LRRIQ3: variants seen among roughly 807,000 people sequenced by gnomAD.
The protein encoded by LRRIQ3 is leucine-rich repeat and IQ domain-containing protein 3.
LRRIQ3 carries 75 observed loss-of-function variants against 59.3 expected under a neutral mutation model. The observed-to-expected ratio is 1.26, with a 90% CI of 1.05 to 1.53. LRRIQ3 has a LOEUF of 1.53. Among genes scored for constraint, LRRIQ3 ranks in the 40% most tolerant of loss-of-function variants. The probability of loss-of-function intolerance (pLI) is 0.00; values close to 1 mark genes in which losing one functional copy is unlikely to be tolerated. For missense variants in LRRIQ3, 831 were observed against 710.0 expected (o/e 1.17, Z -1.94); for synonymous variants, 250 against 231.3 (o/e 1.08, Z -0.73).
intron 4 of LRRIQ3, chr1:74,144,549 TA>T (rs5775227): frequency 0.034 from 4,785 of 139,566 alleles, 2 homozygotes; most frequent in South Asian, 0.074. Context: ...TAACAGTCTG[TA>T]AAAAAAAAAA....
Position 74,198,126 on chromosome 1 carries a change from T to C in LRRIQ3, c.-131A>G, listed in dbSNP as rs1050926512. On this transcript the variant is annotated 5_prime_UTR_variant, in exon 1 of 8. Transcript: ENST00000354431. ...GAGAAACAAGACAACATCCAAGTTC[T>C]CCACATCATGGTTTTCCGGGCGCCA... 43 of 1,435,000 alleles carry C rather than the reference T, an allele frequency of 3.0e-5. No individual in the cohort carries two copies. The highest frequency in any genetic ancestry group is 3.4e-5 in the Non-Finnish European group (37 of 1,086,892). 88.9% of individuals were successfully genotyped at this position (1,435,000 alleles called of 1,614,324 possible). A position where few individuals can be genotyped will look rare whatever the true frequency, so the allele number is the denominator to read the frequency against.
intron 5 of LRRIQ3, among the ~76,000 whole-genome samples, chr1:74,075,668 C>T (rs1646198792): frequency 6.6e-6 from 1 of 152,010 alleles, no homozygotes; most frequent in African/African-American, 2.4e-5. Context: ...CAAATGTAAA[C>T]TGTATAATAT....
chr1:74,103,765 C>A (rs992350904), intron 5 of LRRIQ3, among the ~76,000 whole-genome samples: 10 of 151,376 alleles, frequency 6.6e-5, no homozygotes, highest in African/African-American at 2.4e-4. Flanking sequence ...TATTATGGAA[C>A]TAATTATTCT....
intron 5 of LRRIQ3, among the ~76,000 whole-genome samples, chr1:74,100,396 C>T (rs1340771898): frequency 1.3e-5 from 2 of 151,812 alleles, no homozygotes; most frequent in Non-Finnish European, 2.9e-5. Context: ...CACTGCTCAA[C>T]AAAATAAAAG....
intron 4 of LRRIQ3, among the ~76,000 whole-genome samples, chr1:74,130,143 T>G (rs1646991449): frequency 6.6e-6 from 1 of 152,062 alleles, no homozygotes; most frequent in African/African-American, 2.4e-5. Flanking sequence ...CTCCACTGAC[T>G]CTGAGCCAGC....
chr1:74,105,522 A>C (rs942542576), intron 5 of LRRIQ3, among the ~76,000 whole-genome samples: 1 of 151,890 alleles, frequency 6.6e-6, no homozygotes, highest in African/African-American at 2.4e-5. Context: ...CTAAGTGCTG[A>C]GATTACAGAC....
At chr1:74,120,338 G>A (rs1270503230) in intron 4 of LRRIQ3, among the ~76,000 whole-genome samples, 1 of 151,916 alleles carries the variant, frequency 6.6e-6, no homozygotes, top group Non-Finnish European at 1.5e-5. Context: ...GGATGGTCTT[G>A]ATCTCTTGAC....
intron 6 of LRRIQ3, among the ~76,000 whole-genome samples, chr1:74,072,412 C>A (rs1368007627): frequency 6.6e-6 from 1 of 151,944 alleles, no homozygotes; most frequent in East Asian, 1.9e-4. Context: ...TTGTTCTTAT[C>A]AACTAATTTA....
intron 4 of LRRIQ3, among the ~76,000 whole-genome samples, chr1:74,151,452 C>CT (rs1396349143): frequency 6.6e-6 from 1 of 151,986 alleles, no homozygotes; most frequent in African/African-American, 2.4e-5. Context: ...CTCGGGAAAT[C>CT]TAAAATGTGA....
At position 74,047,390 on chromosome 1, in the gene LRRIQ3, A is replaced by G. The variant is rs930669047; in HGVS notation, c.998-5457T>C. ...TCTCACTCATAAGTGGGAGTTGAAC[A>G]ATGAGAACACATGGGCACAGGGAGA... On this transcript the variant is annotated intron_variant, in intron 6 of 7. Transcript: ENST00000354431. Among the ~76,000 whole-genome samples, 3 of 152,148 alleles carry G rather than the reference A, an allele frequency of 2.0e-5. No individual in the cohort carries two copies. The South Asian group carries it at 6.2e-4, about 32-fold the overall frequency.
intron 4 of LRRIQ3, among the ~76,000 whole-genome samples, chr1:74,133,060 C>G (rs1036939433): frequency 2.0e-5 from 3 of 151,970 alleles, no homozygotes; most frequent in African/African-American, 7.3e-5. Context: ...CAAATATGAA[C>G]AGACACTTCT....
At chr1:74,170,427 TTC>T (rs1240998394) in intron 3 of LRRIQ3, among the ~76,000 whole-genome samples, 1 of 152,182 alleles carries the variant, frequency 6.6e-6, no homozygotes, top group Non-Finnish European at 1.5e-5. Context: ...AGAATATCTT[TTC>T]TCTGCTGTGT....
chr1:74,161,594 C>T (rs542651068), intron 3 of LRRIQ3, among the ~76,000 whole-genome samples: 1 of 151,830 alleles, frequency 6.6e-6, no homozygotes, highest in Non-Finnish European at 1.5e-5. Flanking sequence ...AGAAAGAATA[C>T]AGGAGGGAAT....
At chr1:74,152,994 A>T (rs373902635) in intron 4 of LRRIQ3, among the ~76,000 whole-genome samples, 1 of 152,218 alleles carries the variant, frequency 6.6e-6, no homozygotes, top group Non-Finnish European at 1.5e-5. Flanking sequence ...AGAAAGACTC[A>T]AAAGCTCTGT....
At chr1:74,066,844 C>T (rs895659817) in intron 6 of LRRIQ3, among the ~76,000 whole-genome samples, 3 of 152,006 alleles carry the variant, frequency 2.0e-5, no homozygotes, top group Non-Finnish European at 2.9e-5. Flanking sequence ...GGGCATTCTT[C>T]GTATGTAGTA....
intron 6 of LRRIQ3, among the ~76,000 whole-genome samples, chr1:74,059,460 T>C (rs934154126): frequency 1.3e-5 from 2 of 152,048 alleles, no homozygotes; most frequent in African/African-American, 4.8e-5. Flanking sequence ...TGAATGTAGA[T>C]ATATAGTTGT....
chr1:74,175,534 T>C (rs562605191), intron 3 of LRRIQ3, among the ~76,000 whole-genome samples: 1 of 152,284 alleles, frequency 6.6e-6, no homozygotes, highest in African/African-American at 2.4e-5. Context: ...ACTGTGATGC[T>C]CTGCTAGCTT....
At chr1:74,028,539 T>C (rs550692120) in intron 7 of LRRIQ3, among the ~76,000 whole-genome samples, 13 of 152,100 alleles carry the variant, frequency 8.5e-5, no homozygotes, top group Admixed American at 7.9e-4. Flanking sequence ...GAGTTCTGAC[T>C]GGAAATGGTT....
rs113150122 is a variant in LRRIQ3 at position 74,032,253 on chromosome 1, A to C, written c.1719-5284T>G. On this transcript the variant is annotated intron_variant, in intron 7 of 7. Coordinates refer to ENST00000354431, the MANE Select transcript of LRRIQ3 (RefSeq NM_001105659.2). The stretch of plus-strand genomic sequence containing the variant: ...GCAAAGGTCCTAGAACAACCAATAC[A>C]ATCTTGGGAAAACAGAACAAAGTTG... 2.9e-3 allele frequency among the ~76,000 whole-genome samples: 441 copies of C among 152,216 alleles called. 1 individual carries two copies. Among genetic ancestry groups the C allele is most frequent in the Non-Finnish European group, 3.9e-3 (268 of 67,982 alleles).
Sources: allele counts gnomAD v4.1 joint callset (sites outside exome capture counted in the v4.1 genomes callset), GRCh38; gene constraint gnomAD v4.1.1; transcripts MANE v1.5; gene names NCBI Gene and HGNC (gene_info 2026-07-23, HGNC 2026-07-21).